LAMC1: variants seen among roughly 807,000 people sequenced by gnomAD.
LAMC1 encodes the protein laminin subunit gamma-1.
In LAMC1, 38 loss-of-function variants were observed where a neutral mutation model predicts 173.6. The ratio of observed to expected loss-of-function variants is 0.22; its 90% confidence interval spans 0.17 to 0.29. The LOEUF (loss-of-function observed/expected upper bound fraction) is 0.29, where lower values mean the gene tolerates loss of function less well. Ranked by LOEUF, LAMC1 falls within the 10% of genes least tolerant of loss-of-function variation. The probability of loss-of-function intolerance (pLI) is 1.00; values close to 1 mark genes in which losing one functional copy is unlikely to be tolerated. For missense variants in LAMC1, 1,824 were observed against 2,051.8 expected, an observed-to-expected ratio of 0.89 and a Z score of 2.14; for synonymous variants, 746 against 749.1, an observed-to-expected ratio of 1.00 and a Z score of 0.07.
chr1:183,026,263 C>T (rs907771962), intron 1 of LAMC1, among the ~76,000 whole-genome samples: 2 of 152,084 alleles, frequency 1.3e-5, no homozygotes, highest in African/African-American at 4.8e-5. Flanking sequence ...GTACTTTAAA[C>T]TTCTAGTTTA....
At position 183,079,232 on chromosome 1, in the gene LAMC1, G is replaced by GTTTTT. The variant is rs796732672; in HGVS notation, c.419-24060_419-24056dup. On this transcript the variant is annotated intron_variant, in intron 1 of 27. Coordinates refer to ENST00000258341, the MANE Select transcript of LAMC1 (RefSeq NM_002293.4). ...AAGCAACTTTCTGATCTCTAATCTG[G>GTTTTT]TTTTTTTTTTTTTTTTTTTTTTTTT... 3.2e-4 allele frequency among the ~76,000 whole-genome samples: 20 copies of GTTTTT among 62,840 alleles called. 3 individuals carry two copies. Among genetic ancestry groups the GTTTTT allele is most frequent in the Non-Finnish European group, 5.5e-4 (18 of 32,824 alleles). 41.2% of individuals were successfully genotyped at this position (62,840 alleles called of 152,430 possible).
chr1:183,056,557 T>C (rs115943906), intron 1 of LAMC1, among the ~76,000 whole-genome samples: 1,755 of 152,260 alleles, frequency 0.012, 24 homozygotes, highest in South Asian at 0.045. Flanking sequence ...ACCAATTCAT[T>C]GATCTGTCCT....
In LAMC1 at chr1:183,143,008, A is replaced by G. The variant is rs1299965758; in HGVS notation, c.*218A>G. On this transcript the variant is annotated 3_prime_UTR_variant, in exon 28 of 28. Coordinates refer to ENST00000258341, the MANE Select transcript of LAMC1 (RefSeq NM_002293.4). The stretch of plus-strand genomic sequence containing the variant: ...TTTTATCTAATAAAGTGTCTCTTCC[A>G]TTCACGTTGCTACCTTACCCACACT... 1 of 507,214 alleles carries G rather than the reference A, an allele frequency of 2.0e-6. No homozygotes were observed. Among genetic ancestry groups the G allele is most frequent in the African/African-American group, 1.9e-5 (1 of 51,970 alleles). 31.4% of individuals were successfully genotyped at this position (507,214 alleles called of 1,614,324 possible).
At chr1:183,061,048 G>A (rs1053391722) in intron 1 of LAMC1, among the ~76,000 whole-genome samples, 1 of 152,130 alleles carries the variant, frequency 6.6e-6, no homozygotes, top group African/African-American at 2.4e-5. Context: ...ATGGTAGTAG[G>A]TTAAGTTATT....
intron 1 of LAMC1, among the ~76,000 whole-genome samples, chr1:183,076,118 T>C (rs566959006): frequency 6.6e-6 from 1 of 152,320 alleles, no homozygotes; most frequent in South Asian, 2.1e-4. Flanking sequence ...CCAGATCTTA[T>C]AGCAATGGGT....
chr1:183,140,417 C>T lies in LAMC1; in HGVS notation c.4487C>T (p.Ala1496Val). The T allele has an allele frequency of 6.2e-7, 1 of 1,612,302 alleles. No homozygotes were observed. The highest frequency in any genetic ancestry group is 1.3e-5 in the African/African-American group (1 of 74,914). Residue 1496 changes from alanine (A) to valine (V), a missense_variant, in exon 27 of 28, where the codon GCT becomes GTT. By Grantham distance (64) the Ala-to-Val change is moderately conservative. Coordinates refer to ENST00000258341, the MANE Select transcript of LAMC1 (RefSeq NM_002293.4). The part of the protein sequence containing the change: ...MMMAGMASQA[A>V]QEAEINARKA... ...TTTCCCTTACAGGCTTCACAGGCTGCTCAAGAAGCCGAGATCAATGCCAGA... is the reference window on the plus strand; with the variant it reads ...TTTCCCTTACAGGCTTCACAGGCTGTTCAAGAAGCCGAGATCAATGCCAGA...
intron 1 of LAMC1, among the ~76,000 whole-genome samples, chr1:183,092,614 C>T (rs1655592996): frequency 6.6e-6 from 1 of 152,170 alleles, no homozygotes; most frequent in South Asian, 2.1e-4. Flanking sequence ...TGGGCTGGCT[C>T]TAATGGAAAG....
chr1:183,045,598 G>T (rs189634104), intron 1 of LAMC1, among the ~76,000 whole-genome samples: 4 of 151,550 alleles, frequency 2.6e-5, no homozygotes, highest in East Asian at 1.9e-4. Flanking sequence ...TGGATTTTTT[G>T]TTGTTGTTGT....
At chr1:183,029,295 A>G (rs59174747) in intron 1 of LAMC1, among the ~76,000 whole-genome samples, 5,909 of 152,070 alleles carry the variant, frequency 0.039, 368 homozygotes, top group African/African-American at 0.14. Context: ...GCCTTACTGT[A>G]AGTTCCTTAC....
intron 1 of LAMC1, among the ~76,000 whole-genome samples, chr1:183,027,821 T>C (rs1202661433): frequency 6.6e-6 from 1 of 152,156 alleles, no homozygotes; most frequent in Non-Finnish European, 1.5e-5. Flanking sequence ...TGGCAATTTT[T>C]CCCCCCAGGA....
chr1:183,070,432 C>G (rs1314722233), intron 1 of LAMC1, among the ~76,000 whole-genome samples: 1 of 152,116 alleles, frequency 6.6e-6, no homozygotes, highest in Non-Finnish European at 1.5e-5. Flanking sequence ...GACTGGGATG[C>G]CTTGTGGATG....
chr1:183,120,051 C>T (rs1656427448), intron 11 of LAMC1, among the ~76,000 whole-genome samples: 1 of 151,310 alleles, frequency 6.6e-6, no homozygotes, highest in African/African-American at 2.4e-5. Flanking sequence ...CACCTGTGGT[C>T]CTAGCTACCT....
At chr1:183,128,816 G>A in intron 18 of LAMC1, 66 bp downstream of exon 18, 1 of 1,189,834 alleles carries the variant, frequency 8.4e-7, no homozygotes, top group African/African-American at 1.6e-5. Context: ...GGCTCCTAAA[G>A]CAAGGTTAGT....
At chr1:183,112,680 C>T (rs556666174) in intron 4 of LAMC1, among the ~76,000 whole-genome samples, 3 of 152,096 alleles carry the variant, frequency 2.0e-5, no homozygotes, top group East Asian at 1.9e-4. Flanking sequence ...CGTCTCAGAA[C>T]ATCAGATCTT....
intron 1 of LAMC1, among the ~76,000 whole-genome samples, chr1:183,055,466 T>C (rs1558034265): frequency 6.9e-6 from 1 of 145,158 alleles, no homozygotes; most frequent in Non-Finnish European, 1.6e-5. Context: ...AAATATACCC[T>C]ATTGTGTAAA....
chr1:183,074,932 C>T (rs10797833), intron 1 of LAMC1, among the ~76,000 whole-genome samples: 78,622 of 151,868 alleles, frequency 0.52, 20,710 homozygotes, highest in South Asian at 0.64. Context: ...TTAGTTTTTA[C>T]TTCCTCCCAA....
At chr1:183,060,589 T>C (rs1471024883) in intron 1 of LAMC1, among the ~76,000 whole-genome samples, 1 of 152,166 alleles carries the variant, frequency 6.6e-6, no homozygotes, top group Admixed American at 6.5e-5. Context: ...ATTACAGTGC[T>C]TACTACACTG....
chr1:183,027,593 A>G (rs1382804779), intron 1 of LAMC1, among the ~76,000 whole-genome samples: 2 of 152,192 alleles, frequency 1.3e-5, no homozygotes, highest in Admixed American at 1.3e-4. Context: ...AACCAACCCA[A>G]TCAAAGTTTA....
rs528346750 is a variant in LAMC1 at position 183,097,475 on chromosome 1, A to G, written c.419-5853A>G. Among the ~76,000 whole-genome samples the G allele has an allele frequency of 2.6e-5, 4 of 152,294 alleles. 1 individual carries two copies. In the South Asian group the frequency reaches 8.3e-4, roughly 32 times the overall value. On this transcript the variant is annotated intron_variant, in intron 1 of 27. Coordinates refer to ENST00000258341, the MANE Select transcript of LAMC1 (RefSeq NM_002293.4). ...TGGAAGGGCATTTTGCAATTTTGTAAAATTCTATATGGCTATTGTCATTCA... is the reference window on the plus strand; with the variant it reads ...TGGAAGGGCATTTTGCAATTTTGTAGAATTCTATATGGCTATTGTCATTCA...
Sources: gnomAD v4.1 joint callset for allele counts (sites outside exome capture counted in the v4.1 genomes callset) on GRCh38, gnomAD v4.1.1 for gene constraint, MANE v1.5 for transcripts, NCBI Gene and HGNC (gene_info 2026-07-23, HGNC 2026-07-21) for gene names.